UBAP1L: variants seen among roughly 807,000 people sequenced by gnomAD.
UBAP1L encodes ubiquitin associated protein 1 like, also known as ubiquitin-associated protein 1-like.
In UBAP1L, 32 loss-of-function variants were observed where a neutral mutation model predicts 32.1. The ratio of observed to expected loss-of-function variants is 1.00; its 90% confidence interval spans 0.75 to 1.34. The LOEUF (loss-of-function observed/expected upper bound fraction) is 1.34, where lower values mean the gene tolerates loss of function less well. Ranked by LOEUF, UBAP1L falls within the 40% of genes most tolerant of loss-of-function variation. The pLI is 0.00. For missense variants in UBAP1L, 516 were observed against 540.5 expected (o/e 0.95, Z 0.45); for synonymous variants, 243 against 250.2 (o/e 0.97, Z 0.27).
chr15:65,099,776 A>T, intron 3 of UBAP1L, 62 bp from the exon 4 acceptor site: 4 of 1,433,980 alleles, frequency 2.8e-6, no homozygotes, highest in Non-Finnish European at 3.8e-6. Context: ...GTTGGGCTGG[A>T]CATTTTTAAA....
In UBAP1L at chr15:65,094,538, A is replaced by C; in HGVS notation, c.948T>G (p.Arg316=). ...CCACCAGGCCTTCCTCATATCCCTG[A>C]CGTAACAGGCGGTCACAGGCACTGA... ...SYLSACDRLL[R]QGYEEGLVDE... The change falls in exon 5 of 6, where the codon CGT becomes CGG. Residue 316 remains arginine (R), a synonymous_variant. Transcript: ENST00000559089. The surrounding 1 kb of genome is among the most constrained non-coding windows in gnomAD (Gnocchi z 4.2). 6.4e-7 allele frequency: 1 copy of C among 1,551,452 alleles called. No individual in the cohort carries two copies. Among genetic ancestry groups the C allele is most frequent in the East Asian group, 2.4e-5 (1 of 40,908 alleles).
intron 4 of UBAP1L, chr15:65,099,303 A>G: frequency 5.1e-6 from 3 of 585,542 alleles, no homozygotes; most frequent in Non-Finnish European, 9.1e-6. Context: ...CCCACATGCA[A>G]TGACTGATTG....
chr15:65,113,087 C>A (rs1214259988), intron 1 of UBAP1L, among the ~76,000 whole-genome samples: 1 of 152,146 alleles, frequency 6.6e-6, no homozygotes, highest in Non-Finnish European at 1.5e-5. Context: ...TAAGCCACTC[C>A]TGGCTGGGCA....
rs2087155691 is a variant in UBAP1L, at chr15:65,094,754, G to C, written c.910-178C>G. ...CAGAAGGGGGATAGAGGCTTTCTCT[G>C]AGTGCCTGGCGATAGGCAGACAATG... On this transcript the variant is annotated intron_variant, in intron 4 of 5. Transcript: ENST00000559089. This position sits in a 1 kb window ranked among gnomAD's most constrained non-coding sequence, Gnocchi z 4.2. The C allele has an allele frequency of 1.6e-6, 1 of 618,374 alleles. No homozygotes were observed. Among genetic ancestry groups the C allele is most frequent in the East Asian group, 2.8e-5 (1 of 36,216 alleles). 38.3% of individuals were successfully genotyped at this position (618,374 alleles called of 1,614,324 possible). A position where few individuals can be genotyped will look rare whatever the true frequency, so the allele number is the denominator to read the frequency against.
chr15:65,099,249 A>T (rs2087211341), intron 4 of UBAP1L: 1 of 480,604 alleles, frequency 2.1e-6, no homozygotes, highest in Admixed American at 3.6e-5. Context: ...CCCTTCAGGG[A>T]TTACCTTAAC....
rs141788750 is a variant in UBAP1L at position 65,110,864 on chromosome 15, C to T, written c.-174+4286G>A. Reference sequence around the variant, plus strand: ...AGCAGGAAGTGCCTCTGGCTCAACACAATCTGTCATCCCTGCCAGGATGAC... The same window carrying T: ...AGCAGGAAGTGCCTCTGGCTCAACATAATCTGTCATCCCTGCCAGGATGAC... On this transcript the variant is annotated intron_variant, in intron 1 of 5. Coordinates refer to ENST00000559089, the MANE Select transcript of UBAP1L (RefSeq NM_001163692.2). Among the ~76,000 whole-genome samples the T allele has an allele frequency of 2.2e-3, 334 of 152,258 alleles. 1 individual carries two copies. The highest frequency in any genetic ancestry group is 7.2e-3 in the African/African-American group (300 of 41,542).
At chr15:65,105,537 G>A (rs905622747) in intron 2 of UBAP1L, 23 of 512,534 alleles carry the variant, frequency 4.5e-5, no homozygotes, top group South Asian at 2.4e-4. Flanking sequence ...TGTGAAAATG[G>A]TTCACCATTC....
At chr15:65,103,070 G>A (rs997360414) in intron 2 of UBAP1L, among the ~76,000 whole-genome samples, 1 of 152,212 alleles carries the variant, frequency 6.6e-6, no homozygotes, top group Non-Finnish European at 1.5e-5. Flanking sequence ...GTTTGCCAAT[G>A]AGTAGTCTGC....
At chr15:65,103,346 C>G (rs1017387050) in intron 2 of UBAP1L, among the ~76,000 whole-genome samples, 1 of 152,146 alleles carries the variant, frequency 6.6e-6, no homozygotes, top group Non-Finnish European at 1.5e-5. Context: ...GCTTTCTCCA[C>G]TTCGTATCAG....
Position 65,092,990 on chromosome 15 carries a change from T to C in UBAP1L, c.*107A>G. ...GTATTATTTGTGTTTTTACAATAAG[T>C]ATGCATCACTTTGTTACTCTTACTT... On this transcript the variant is annotated 3_prime_UTR_variant, in exon 6 of 6. Transcript: ENST00000559089. The C allele has an allele frequency of 7.3e-7, 1 of 1,365,230 alleles. No individual in the cohort carries two copies. Among genetic ancestry groups the C allele is most frequent in the South Asian group, 1.4e-5 (1 of 70,058 alleles). The allele number at this position is 1,365,230 out of a possible 1,614,324, so 84.6% of individuals were successfully genotyped here.
rs58147209 is a variant in UBAP1L, at chr15:65,107,969, CT to C, written c.-173-1582del. On this transcript the variant is annotated intron_variant, in intron 1 of 5. Coordinates refer to ENST00000559089, the MANE Select transcript of UBAP1L (RefSeq NM_001163692.2). ...CATCCCATGTATCAAAATTCCATCACTTTTTTTTTTGGTAGAAATTGGCAAG... is the reference window on the plus strand; with the variant it reads ...CATCCCATGTATCAAAATTCCATCACTTTTTTTTTGGTAGAAATTGGCAAG... Among the ~76,000 whole-genome samples, 565 of 147,774 alleles carry C rather than the reference CT, an allele frequency of 3.8e-3. 1 individual carries two copies. Among genetic ancestry groups the C allele is most frequent in the African/African-American group, 0.013 (511 of 40,460 alleles).
Position 65,093,231 on chromosome 15 carries a change from C to G in UBAP1L, c.1012G>C (p.Ala338Pro). ...TCCCAGAGGCGCAGGAACTCCCCTG[C>G]CTGAGGAAGAGGAGACAGGGAGGGT... The part of the protein sequence containing the change: ...MEMFQFSESQ[A>P]GEFLRLWEQF... Residue 338 changes from alanine (A) to proline (P), a missense_variant and splice_region_variant, in exon 6 of 6, where the codon GCA becomes CCA. Coordinates refer to ENST00000559089, the MANE Select transcript of UBAP1L (RefSeq NM_001163692.2). 6.5e-7 allele frequency: 1 copy of G among 1,541,930 alleles called. No homozygotes were observed. Among genetic ancestry groups the G allele is most frequent in the African/African-American group, 1.4e-5 (1 of 72,694 alleles).
chr15:65,105,043 G>C (rs1031139826), intron 2 of UBAP1L: 1 of 219,398 alleles, frequency 4.6e-6, no homozygotes, highest in Non-Finnish European at 9.4e-6. Context: ...ATTAGTCATG[G>C]TGGCACTTTT....
intron 2 of UBAP1L, chr15:65,105,808 T>C (rs764638966): frequency 4.5e-5 from 32 of 709,892 alleles, no homozygotes; most frequent in Non-Finnish European, 8.1e-5. Flanking sequence ...GAATTTGTTT[T>C]TGAGACGAAG....
intron 1 of UBAP1L, among the ~76,000 whole-genome samples, chr15:65,109,500 A>AC (rs1450748817): frequency 1.3e-5 from 2 of 151,162 alleles, no homozygotes; most frequent in Non-Finnish European, 1.5e-5. Flanking sequence ...AAAAAAAAAA[A>AC]AAAAACTTCC....
At chr15:65,107,554 C>T (rs1417909602) in intron 1 of UBAP1L, among the ~76,000 whole-genome samples, 1 of 151,692 alleles carries the variant, frequency 6.6e-6, no homozygotes, top group Non-Finnish European at 1.5e-5. Flanking sequence ...GTCTGGCCAA[C>T]ATGGTGAAAC....
intron 2 of UBAP1L, among the ~76,000 whole-genome samples, chr15:65,104,634 G>A (rs574987509): frequency 6.6e-6 from 1 of 152,282 alleles, no homozygotes; most frequent in Non-Finnish European, 1.5e-5. Flanking sequence ...TGCCAGCACT[G>A]GGAGGCCGAG....
At chr15:65,107,060 A>G in intron 1 of UBAP1L, among the ~76,000 whole-genome samples, 1 of 152,342 alleles carries the variant, frequency 6.6e-6, no homozygotes. Flanking sequence ...AACACTGTCA[A>G]GTTAAGTTTA....
chr15:65,102,180 C>T lies in UBAP1L; in HGVS notation c.625G>A (p.Ala209Thr). 3 of 1,186,484 alleles carry T rather than the reference C, an allele frequency of 2.5e-6. No individual in the cohort carries two copies. Among genetic ancestry groups the T allele is most frequent in the East Asian group, 3.6e-5 (1 of 27,666 alleles). 73.5% of individuals were successfully genotyped at this position (1,186,484 alleles called of 1,614,324 possible). The change falls in exon 3 of 6, where the codon GCC becomes ACC. Residue 209 changes from alanine to threonine, a missense_variant. By Grantham distance (58) the Ala-to-Thr change is moderately conservative. Transcript: ENST00000559089. This position sits in a 1 kb window ranked among gnomAD's most constrained non-coding sequence, Gnocchi z 5.0. ...PPGPAPQHPA[A>T]PASPPRPSTA... is the part of the protein sequence containing the mutation. ...GAGGGCCGCGGGGGCGACGCGGGGG[C>T]GGCGGGGTGCTGGGGCGCGGGCCCC...
Sources: allele counts gnomAD v4.1 joint callset (sites outside exome capture counted in the v4.1 genomes callset), GRCh38; gene constraint gnomAD v4.1.1; non-coding constraint Gnocchi (gnomAD v3.1); transcripts MANE v1.5; gene names NCBI Gene and HGNC (gene_info 2026-07-23, HGNC 2026-07-21).